The following ATP2B1 variants were observed in gnomAD, a reference collection of about 807,000 sequenced individuals.
ATP2B1 encodes ATPase plasma membrane Ca2+ transporting 1.
Under a neutral mutation model 124.2 loss-of-function variants are expected in ATP2B1, and 14 were observed. That is an observed-to-expected ratio of 0.11 (90% CI 0.07 to 0.18). The LOEUF is 0.18. Ranked by LOEUF, ATP2B1 falls within the 10% of genes least tolerant of loss-of-function variation. ATP2B1 has a pLI of 1.00. For synonymous variants in ATP2B1, 449 were observed against 492.4 expected, an observed-to-expected ratio of 0.91 and a Z score of 1.17; for missense variants, 763 against 1,466.1, an observed-to-expected ratio of 0.52 and a Z score of 7.83.
At chr12:89,693,842 T>G (rs2136761653) in intron 1 of ATP2B1, among the ~76,000 whole-genome samples, 1 of 152,322 alleles carries the variant, frequency 6.6e-6, no homozygotes, top group East Asian at 1.9e-4. Context: ...TTAGAGGGCT[T>G]TTCTGCCAAT....
At chr12:89,615,848 A>G (rs1298374905) in intron 12 of ATP2B1, among the ~76,000 whole-genome samples, 1 of 152,174 alleles carries the variant, frequency 6.6e-6, no homozygotes, top group Non-Finnish European at 1.5e-5. Flanking sequence ...TTTTTTAAAA[A>G]TGTATTTTTA....
chr12:89,595,528 A>G (rs935060961), intron 20 of ATP2B1, among the ~76,000 whole-genome samples: 1 of 152,122 alleles, frequency 6.6e-6, no homozygotes, highest in African/African-American at 2.4e-5. Flanking sequence ...GACAAAGTCT[A>G]AATGGATTAT....
At chr12:89,658,013 C>T (rs1029437407) in intron 1 of ATP2B1, among the ~76,000 whole-genome samples, 2 of 152,138 alleles carry the variant, frequency 1.3e-5, no homozygotes, top group African/African-American at 4.8e-5. Context: ...GGGTTCCCTC[C>T]TACGCACACA....
intron 5 of ATP2B1, among the ~76,000 whole-genome samples, chr12:89,634,471 C>T (rs1882372927): frequency 1.3e-5 from 2 of 152,170 alleles, no homozygotes; most frequent in Admixed American, 1.3e-4. Flanking sequence ...GAATAACAGA[C>T]CAACTCAAGA....
intron 2 of ATP2B1, 197 bp downstream of exon 2, chr12:89,655,482 T>C (rs1885840115): frequency 1.0e-5 from 6 of 588,512 alleles, no homozygotes; most frequent in Non-Finnish European, 1.8e-5. Context: ...CTAAAACATA[T>C]AAATTAATTT....
chr12:89,659,648 C>T lies in ATP2B1; in HGVS notation c.-221-3541G>A, dbSNP rs975670735. On this transcript the variant is annotated intron_variant, in intron 1 of 20. Coordinates refer to ENST00000428670, the MANE Select transcript of ATP2B1 (RefSeq NM_001366521.1). ...TGAAAGTTAACCAGACTTGGTCAGG[C>T]GCAGTGGCTCATGCCTGTAATCCCA... is the stretch of plus-strand genomic sequence containing the variant. Among the ~76,000 whole-genome samples the T allele has an allele frequency of 3.9e-5, 6 of 152,234 alleles. No homozygotes were observed. The South Asian group carries it at 6.2e-4, about 16-fold the overall frequency.
chr12:89,661,494 C>G (rs1233361556), intron 1 of ATP2B1, among the ~76,000 whole-genome samples: 1 of 151,990 alleles, frequency 6.6e-6, no homozygotes, highest in East Asian at 1.9e-4. Context: ...TAAAATAAAG[C>G]AAGTATTAAA....
rs536527690 is a variant in ATP2B1, at chr12:89,588,975, T to G, written c.*2009A>C. 4 of 152,562 alleles carry G rather than the reference T, an allele frequency of 2.6e-5. No homozygotes were observed. Among genetic ancestry groups the G allele is most frequent in the Non-Finnish European group, 5.9e-5 (4 of 68,002 alleles). 9.5% of individuals were successfully genotyped at this position (152,562 alleles called of 1,614,324 possible). On this transcript the variant is annotated 3_prime_UTR_variant, in exon 21 of 21. Coordinates refer to ENST00000428670, the MANE Select transcript of ATP2B1 (RefSeq NM_001366521.1). ...TTCCCAAGATCATGCAGCACATTAA[T>G]GGCAAAACCAAGACTAGAAACCAGG...
At chr12:89,709,308 ACCGCCGCCGAAGCTCGCGCCG>A (rs1361295444), upstream of ATP2B1, 2 of 151,250 alleles carry the variant, frequency 1.3e-5, no homozygotes, top group Non-Finnish European at 3.0e-5. Context: ...CACAGCCGCC[ACCGCCGCCGAAGCTCGCGCCG>A]CCGCCGCTGC....
intron 2 of ATP2B1, among the ~76,000 whole-genome samples, chr12:89,645,178 C>CA: frequency 6.6e-6 from 1 of 152,276 alleles, no homozygotes; most frequent in Middle Eastern, 3.4e-3. Flanking sequence ...AAGGTATACA[C>CA]AGTTCATAAA....
rs10661138 is a variant in ATP2B1 at position 89,598,039 on chromosome 12, CAAAAAAAAAA to C, written c.3351+1068_3351+1077del. ...CCCCTGAAACCACTGCACAACCAAG[CAAAAAAAAAA>C]AAAAAAAAAAAAAATCAAAGCAAGG... is the stretch of plus-strand genomic sequence containing the variant. On this transcript the variant is annotated intron_variant, in intron 20 of 20. Transcript: ENST00000428670. Among the ~76,000 whole-genome samples the C allele has an allele frequency of 1.6e-3, 95 of 60,550 alleles. 2 individuals carry two copies. Among genetic ancestry groups the C allele is most frequent in the Admixed American group, 2.2e-3 (8 of 3,638 alleles). The allele number at this position is 60,550 out of a possible 152,430, so 39.7% of individuals were successfully genotyped here. A position where few individuals can be genotyped will look rare whatever the true frequency, so the allele number is the denominator to read the frequency against.
Position 89,656,148 on chromosome 12 carries a change from T to TA in ATP2B1, c.-221-42dup, listed in dbSNP as rs1885928461. 3 of 427,292 alleles carry TA rather than the reference T, an allele frequency of 7.0e-6. No homozygotes were observed. The South Asian group carries it at 2.6e-4, about 37-fold the overall frequency. 26.5% of individuals were successfully genotyped at this position (427,292 alleles called of 1,614,324 possible). A position where few individuals can be genotyped will look rare whatever the true frequency, so the allele number is the denominator to read the frequency against. On this transcript the variant is annotated intron_variant, in intron 1 of 20. Transcript: ENST00000428670. ...ATTTAAAAGTTAATAAAATCTATCT[T>TA]AAGAGTATTATGCATGTAAGCATAT...
At chr12:89,692,901 C>T (rs1279055548) in intron 1 of ATP2B1, among the ~76,000 whole-genome samples, 2 of 152,080 alleles carry the variant, frequency 1.3e-5, no homozygotes, top group African/African-American at 2.4e-5. Flanking sequence ...TTGTTTATAT[C>T]GACTAGTCTA....
At chr12:89,678,658 C>A (rs1014102089) in intron 1 of ATP2B1, among the ~76,000 whole-genome samples, 2 of 152,114 alleles carry the variant, frequency 1.3e-5, no homozygotes, top group Non-Finnish European at 2.9e-5. Flanking sequence ...ATGTGTCTTA[C>A]TAACAAAAAT....
chr12:89,663,266 T>C (rs1886909514), intron 1 of ATP2B1, among the ~76,000 whole-genome samples: 1 of 152,226 alleles, frequency 6.6e-6, no homozygotes, highest in Admixed American at 6.5e-5. Context: ...AGATATATTA[T>C]AGCTTTCCTT....
chr12:89,683,921 T>C (rs2136660863), intron 1 of ATP2B1, among the ~76,000 whole-genome samples: 1 of 152,246 alleles, frequency 6.6e-6, no homozygotes, highest in Middle Eastern at 3.4e-3. Flanking sequence ...GCATTATTAA[T>C]AAATTCAAAA....
At chr12:89,690,639 T>A (rs1047660537) in intron 1 of ATP2B1, among the ~76,000 whole-genome samples, 3 of 152,082 alleles carry the variant, frequency 2.0e-5, no homozygotes, top group Non-Finnish European at 2.9e-5. Context: ...CTTACTAATT[T>A]TGACATGAAT....
intron 15 of ATP2B1, among the ~76,000 whole-genome samples, 198 bp downstream of exon 15, chr12:89,609,739 C>T (rs931900524): frequency 1.3e-5 from 2 of 152,166 alleles, no homozygotes; most frequent in African/African-American, 4.8e-5. Context: ...ACAATCTAGT[C>T]AGATTTCATG....
At chr12:89,600,752 G>C (rs1443670325) in intron 19 of ATP2B1, among the ~76,000 whole-genome samples, 1 of 151,422 alleles carries the variant, frequency 6.6e-6, no homozygotes, top group Non-Finnish European at 1.5e-5. Flanking sequence ...GGGTTCAAGC[G>C]ATTCTCCTGC....
Sources: gnomAD v4.1 joint callset for allele counts (sites outside exome capture counted in the v4.1 genomes callset) on GRCh38, gnomAD v4.1.1 for gene constraint, MANE v1.5 for transcripts, NCBI Gene and HGNC (gene_info 2026-07-23, HGNC 2026-07-21) for gene names.